PTPN18: variants seen among roughly 807,000 people sequenced by gnomAD.
PTPN18 encodes protein tyrosine phosphatase non-receptor type 18.
In PTPN18, 65 loss-of-function variants were observed where a neutral mutation model predicts 65.4. The observed-to-expected ratio is 0.99, with a 90% CI of 0.81 to 1.22. PTPN18 has a LOEUF of 1.22. Ranked by LOEUF, PTPN18 falls within the 50% of genes most tolerant of loss-of-function variation. PTPN18 has a pLI of 0.00. For missense variants in PTPN18, 616 were observed against 646.5 expected, an observed-to-expected ratio of 0.95 and a Z score of 0.51; for synonymous variants, 255 against 267.8, an observed-to-expected ratio of 0.95 and a Z score of 0.47.
Position 130,370,734 on chromosome 2 carries a change from T to C in PTPN18, c.786T>C (p.Asp262=). The change falls in exon 10 of 15, where the codon GAT becomes GAC. Residue 262 remains aspartate, a synonymous_variant. Coordinates refer to ENST00000175756, the MANE Select transcript of PTPN18 (RefSeq NM_014369.4). ...QMIPPDFSLF[D]VVLKMRKQRP... is the part of the protein sequence containing the mutation. ...TCCCACCTGACTTCAGTCTCTTTGATGTGGTCCTTAAGATGAGGAAGCAGC... is the reference window on the plus strand; with the variant it reads ...TCCCACCTGACTTCAGTCTCTTTGACGTGGTCCTTAAGATGAGGAAGCAGC... The C allele has an allele frequency of 6.2e-7, 1 of 1,614,232 alleles. No individual in the cohort carries two copies. The highest frequency in any genetic ancestry group is 1.3e-5 in the African/African-American group (1 of 75,060).
chr2:130,370,765 G>A lies in PTPN18; in HGVS notation c.817G>A (p.Ala273Thr), dbSNP rs561188981. Residue 273 changes from alanine (A) to threonine (T), a missense_variant, in exon 10 of 15, where the codon GCG (alanine) becomes ACG (threonine). By Grantham distance (58) the Ala-to-Thr change is moderately conservative (BLOSUM62 0). Around this residue, in one of 3 missense-constraint regions of PTPN18, gnomAD observed 368 missense variants for 386.7 expected, o/e 0.95. Coordinates refer to ENST00000175756, the MANE Select transcript of PTPN18 (RefSeq NM_014369.4). Reference sequence around the variant, plus strand: ...CCTTAAGATGAGGAAGCAGCGGCCTGCGGCCGTGCAGACAGAGGTGAACCC... The same window carrying A: ...CCTTAAGATGAGGAAGCAGCGGCCTACGGCCGTGCAGACAGAGGTGAACCC... ...VVLKMRKQRP[A>T]AVQTEEQYRF... 5.5e-5 allele frequency: 89 copies of A among 1,614,070 alleles called. No homozygotes were observed. Among genetic ancestry groups the A allele is most frequent in the African/African-American group, 8.0e-5 (6 of 74,942 alleles).
In PTPN18 at chr2:130,358,935, A is replaced by G. The variant is rs1680090218; in HGVS notation, c.162A>G (p.Pro54=). 4 of 1,614,078 alleles carry G rather than the reference A, an allele frequency of 2.5e-6. No homozygotes were observed. The South Asian group carries it at 3.3e-5, about 13-fold the overall frequency. ...GCTCCACCGTGGCCGGCAGTCGGCC[A>G]GAGAACGTGAGGAAGAACCGCTACA... ...GVCSTVAGSR[P]ENVRKNRYKD... Residue 54 remains proline, a synonymous_variant, in exon 2 of 15, where the codon CCA becomes CCG. Transcript: ENST00000175756.
intron 10 of PTPN18, 46 bp downstream of exon 10, chr2:130,370,828 G>C: frequency 6.2e-7 from 1 of 1,612,336 alleles, no homozygotes. Context: ...GCCCACTGCT[G>C]TCATTTGCCC....
intron 5 of PTPN18, 22 bp from the exon 6 acceptor site, chr2:130,369,111 T>A: frequency 6.3e-7 from 1 of 1,597,024 alleles, no homozygotes; most frequent in East Asian, 2.3e-5. Flanking sequence ...ACTCCCTGCC[T>A]TTTCTCCCTT....
chr2:130,364,764 C>A (rs1680330116), intron 5 of PTPN18, among the ~76,000 whole-genome samples: 1 of 152,236 alleles, frequency 6.6e-6, no homozygotes, highest in Non-Finnish European at 1.5e-5. Flanking sequence ...CCACCGCACT[C>A]CAGCCTGGGC....
intron 5 of PTPN18, among the ~76,000 whole-genome samples, chr2:130,363,392 A>T (rs2104937264): frequency 6.6e-6 from 1 of 152,140 alleles, no homozygotes; most frequent in East Asian, 2.0e-4. Flanking sequence ...GGTTGCAGTG[A>T]GCTGAGATTG....
At chr2:130,364,456 C>A (rs568052795) in intron 5 of PTPN18, among the ~76,000 whole-genome samples, 1 of 152,292 alleles carries the variant, frequency 6.6e-6, no homozygotes, top group South Asian at 2.1e-4. Context: ...TGTTGGACAT[C>A]TGGGTTGTTT....
At chr2:130,369,729 C>T in intron 6 of PTPN18, 36 bp from the exon 7 acceptor site, 1 of 1,524,576 alleles carries the variant, frequency 6.6e-7, no homozygotes. Flanking sequence ...CTTTGTTCTC[C>T]TCCCTCTTCT....
chr2:130,366,663 G>T (rs1680393855), intron 5 of PTPN18, among the ~76,000 whole-genome samples: 1 of 152,140 alleles, frequency 6.6e-6, no homozygotes, highest in Non-Finnish European at 1.5e-5. Context: ...TTTGTGAAAG[G>T]CTGGTATTAA....
intron 12 of PTPN18, 32 bp downstream of exon 12, chr2:130,371,319 C>T (rs1472780904): frequency 1.3e-6 from 2 of 1,510,552 alleles, no homozygotes; most frequent in Non-Finnish European, 9.1e-7. Context: ...TTCTTCCCTG[C>T]CCAATTTCTC....
chr2:130,368,023 T>C (rs1680441799), intron 5 of PTPN18, among the ~76,000 whole-genome samples: 1 of 152,192 alleles, frequency 6.6e-6, no homozygotes, highest in South Asian at 2.1e-4. Context: ...TCTACCCTGC[T>C]ATTAGTGGAT....
rs1290088760 is a variant in PTPN18, at chr2:130,374,432, T to C, written c.*1208T>C. The C allele has an allele frequency of 3.2e-6, 1 of 312,664 alleles. No homozygotes were observed. The highest frequency in any genetic ancestry group is 6.5e-6 in the Non-Finnish European group (1 of 154,284). 19.4% of individuals were successfully genotyped at this position (312,664 alleles called of 1,614,324 possible). A position where few individuals can be genotyped will look rare whatever the true frequency, so the allele number is the denominator to read the frequency against. On this transcript the variant is annotated 3_prime_UTR_variant, in exon 15 of 15. Transcript: ENST00000175756. ...ATCCTCCTGCCTCAGCCTCCCAAAG[T>C]GCTGAGATTACAGGTGTGAGCCACC... is the stretch of plus-strand genomic sequence containing the variant.
At position 130,356,158 on chromosome 2, in the gene PTPN18, G is replaced by T; in HGVS notation, c.51G>T (p.Ala17=). Residue 17 remains alanine (A), a synonymous_variant, in exon 1 of 15, where the codon GCG becomes GCT. Transcript: ENST00000175756. ...GGAGCTTCCTGGAGCGGCTGGAAGC[G>T]CGGGGCGGCCGGGAGGGGGCAGTCC... The part of the protein sequence containing the change: ...SARSFLERLE[A]RGGREGAVLA... 1 of 1,312,776 alleles carries T rather than the reference G, an allele frequency of 7.6e-7. No homozygotes were observed. The highest frequency in any genetic ancestry group is 9.7e-7 in the Non-Finnish European group (1 of 1,035,488). 81.3% of individuals were successfully genotyped at this position (1,312,776 alleles called of 1,614,324 possible). A position where few individuals can be genotyped will look rare whatever the true frequency, so the allele number is the denominator to read the frequency against.
intron 5 of PTPN18, among the ~76,000 whole-genome samples, chr2:130,361,801 T>G (rs1443913658): frequency 6.6e-6 from 1 of 152,118 alleles, no homozygotes; most frequent in Non-Finnish European, 1.5e-5. Flanking sequence ...TTGGCCAGGC[T>G]GGTCTCAAAC....
intron 12 of PTPN18, 142 bp downstream of exon 12, chr2:130,371,429 C>A: frequency 1.5e-6 from 1 of 689,566 alleles, no homozygotes; most frequent in Non-Finnish European, 2.4e-6. Flanking sequence ...TGGGAACCCA[C>A]CCCAAGATGA....
rs759480137 is a variant in PTPN18, at chr2:130,370,724, G to A, written c.776G>A (p.Ser259Asn). The part of the protein sequence containing the change: ...LLTQMIPPDF[S>N]LFDVVLKMRK... Reference sequence around the variant, plus strand: ...CCCCAGATGATCCCACCTGACTTCAGTCTCTTTGATGTGGTCCTTAAGATG... The same window carrying A: ...CCCCAGATGATCCCACCTGACTTCAATCTCTTTGATGTGGTCCTTAAGATG... Residue 259 changes from serine to asparagine, a missense_variant, in exon 10 of 15, where the codon AGT becomes AAT. Around this residue, in one of 3 missense-constraint regions of PTPN18, gnomAD observed 368 missense variants for 386.7 expected, o/e 0.95. Transcript: ENST00000175756. The A allele has an allele frequency of 4.3e-6, 7 of 1,614,092 alleles. No individual in the cohort carries two copies. The African/African-American group carries it at 9.3e-5, about 22-fold the overall frequency.
chr2:130,372,337 G>C lies in PTPN18; in HGVS notation c.1094G>C (p.Gly365Ala). Reference sequence around the variant, plus strand: ...GTGCAGAAGCGCGGGGCTCCAGCGGGCGCCGGGAGTGGGACGCAGACGGGG... The same window carrying C: ...GTGCAGAAGCGCGGGGCTCCAGCGGCCGCCGGGAGTGGGACGCAGACGGGG... Reference protein sequence around the residue: ...AVVQKRGAPAGAGSGTQTGTG... With the variant: ...AVVQKRGAPAAAGSGTQTGTG... The change falls in exon 13 of 15, where the codon GGC becomes GCC. Residue 365 changes from glycine to alanine, a missense_variant. Gly to Ala is a moderately conservative substitution (Grantham distance 60). Around this residue, in one of 3 missense-constraint regions of PTPN18, gnomAD observed 368 missense variants for 386.7 expected, o/e 0.95. Transcript: ENST00000175756. 7.0e-7 allele frequency: 1 copy of C among 1,420,936 alleles called. No homozygotes were observed. The highest frequency in any genetic ancestry group is 1.5e-5 in the South Asian group (1 of 67,636). 88.0% of individuals were successfully genotyped at this position (1,420,936 alleles called of 1,614,324 possible).
chr2:130,363,377 T>C (rs965647406), intron 5 of PTPN18, among the ~76,000 whole-genome samples: 2 of 151,584 alleles, frequency 1.3e-5, no homozygotes, highest in Non-Finnish European at 2.9e-5. Flanking sequence ...AACCAGGGAG[T>C]TGGAGGTTGC....
intron 5 of PTPN18, chr2:130,368,805 G>A (rs111871720): frequency 9.8e-4 from 184 of 188,532 alleles, no homozygotes; most frequent in African/African-American, 3.7e-3. Flanking sequence ...GCAATAAGCC[G>A]GAGTGGTCTG....
Sources: gnomAD v4.1 joint callset for allele counts (sites outside exome capture counted in the v4.1 genomes callset) on GRCh38, gnomAD v4.1.1 for gene constraint, gnomAD v4.1.1 regional missense constraint, MANE v1.5 for transcripts, NCBI Gene and HGNC (gene_info 2026-07-23, HGNC 2026-07-21) for gene names.